The following ITGBL1 variants were observed in gnomAD, a reference collection of about 807,000 sequenced individuals.
ITGBL1 encodes integrin beta-like protein 1.
A neutral mutation model predicts 68.5 loss-of-function variants in ITGBL1; 51 were observed. The ratio of observed to expected loss-of-function variants is 0.74; its 90% CI spans 0.59 to 0.94. The LOEUF (loss-of-function observed/expected upper bound fraction) is 0.94. Among genes scored for constraint, ITGBL1 ranks in the 40% least tolerant of loss-of-function variants. ITGBL1 has a pLI of 0.00. For missense variants in ITGBL1, 649 were observed against 647.4 expected (o/e 1.00, Z -0.03); for synonymous variants, 209 against 227.3 (o/e 0.92, Z 0.72).
chr13:101,490,437 A>G (rs2048760242), intron 2 of ITGBL1, among the ~76,000 whole-genome samples: 6 of 152,256 alleles, frequency 3.9e-5, no homozygotes. Context: ...TACTATGCAC[A>G]GAGTCCTCTT....
intron 2 of ITGBL1, among the ~76,000 whole-genome samples, chr13:101,482,271 G>A (rs1042885206): frequency 1.3e-5 from 2 of 151,874 alleles, no homozygotes; most frequent in Non-Finnish European, 2.9e-5. Flanking sequence ...TGGGAAAGAT[G>A]AGTGAGAAAT....
intron 7 of ITGBL1, among the ~76,000 whole-genome samples, chr13:101,675,718 C>T (rs1276360463): frequency 6.6e-6 from 1 of 151,858 alleles, no homozygotes; most frequent in African/African-American, 2.4e-5. Flanking sequence ...CAATAATAGC[C>T]GTGTAAATGT....
Position 101,647,522 on chromosome 13 carries a change from G to A in ITGBL1, c.1016-45063G>A, listed in dbSNP as rs1343263660. Among the ~76,000 whole-genome samples the A allele has an allele frequency of 3.9e-5, 6 of 152,318 alleles. 1 individual carries two copies. The South Asian group carries it at 1.2e-3, about 32-fold the overall frequency. ...ATATATTTGAAGGAATGGGAATGCC[G>A]TTAAGGCAGCCAGTGCTTGAGAAAC... On this transcript the variant is annotated intron_variant, in intron 7 of 10. Transcript: ENST00000376180.
At chr13:101,709,334 C>T (rs1381824676) in intron 9 of ITGBL1, among the ~76,000 whole-genome samples, 3 of 124,746 alleles carry the variant, frequency 2.4e-5, no homozygotes, top group East Asian at 2.5e-4. Context: ...CACTGCAGTC[C>T]GCAGTCCGGC....
chr13:101,706,068 A>G (rs2034257379), intron 8 of ITGBL1, among the ~76,000 whole-genome samples: 1 of 152,226 alleles, frequency 6.6e-6, no homozygotes, highest in Admixed American at 6.5e-5. Context: ...GGCAATAAAC[A>G]GGTGTACATC....
chr13:101,588,942 G>C (rs532169879), intron 6 of ITGBL1, among the ~76,000 whole-genome samples: 1 of 152,170 alleles, frequency 6.6e-6, no homozygotes, highest in East Asian at 1.9e-4. Context: ...CCCAATACCT[G>C]CCTGAGAATC....
chr13:101,589,772 A>G (rs1177129586), intron 6 of ITGBL1, among the ~76,000 whole-genome samples: 1 of 152,194 alleles, frequency 6.6e-6, no homozygotes, highest in Non-Finnish European at 1.5e-5. Flanking sequence ...GGACACATAT[A>G]TATTCTTCCC....
Position 101,452,789 on chromosome 13 carries a change from A to G in ITGBL1, c.-45A>G. 1 of 1,532,272 alleles carries G rather than the reference A, an allele frequency of 6.5e-7. No individual in the cohort carries two copies. Among genetic ancestry groups the G allele is most frequent in the Non-Finnish European group, 9.0e-7 (1 of 1,106,344 alleles). The allele number at this position is 1,532,272 out of a possible 1,614,324, so 94.9% of individuals were successfully genotyped here. On this transcript the variant is annotated 5_prime_UTR_variant, in exon 1 of 11. Coordinates refer to ENST00000376180, the MANE Select transcript of ITGBL1 (RefSeq NM_004791.3). ...CCTGCCGCCTCCCTCGGTGAACCCC[A>G]CCTTGCAGAAGTGCAGCTCGCCCGG...
At chr13:101,633,123 G>C (rs2032043068) in intron 7 of ITGBL1, among the ~76,000 whole-genome samples, 1 of 152,182 alleles carries the variant, frequency 6.6e-6, no homozygotes, top group East Asian at 1.9e-4. Flanking sequence ...TTCACAATTT[G>C]TATTTCAAAG....
At chr13:101,542,071 T>C (rs1417020316) in intron 2 of ITGBL1, among the ~76,000 whole-genome samples, 3 of 152,202 alleles carry the variant, frequency 2.0e-5, no homozygotes, top group Non-Finnish European at 4.4e-5. Context: ...TCTGCTCTGA[T>C]CTTAGTTATT....
At chr13:101,717,381 A>C (rs1275971894), downstream of ITGBL1, 1 of 152,126 alleles carries the variant, frequency 6.6e-6, no homozygotes, top group African/African-American at 2.4e-5. Context: ...AAATTGATAG[A>C]TCTCTTCCGT....
rs117897797 is a variant in ITGBL1 at position 101,488,515 on chromosome 13, G to C, written c.316+34415G>C. 3.5e-3 allele frequency among the ~76,000 whole-genome samples: 540 copies of C among 152,298 alleles called. 5 individuals are homozygous for C. Among genetic ancestry groups the C allele is most frequent in the Admixed American group, 5.8e-3 (89 of 15,298 alleles). On this transcript the variant is annotated intron_variant, in intron 2 of 10. Transcript: ENST00000376180. ...TGGTCACAGGCTTTGAACCCGGAAAGACCTAAGCTGACTGTCAACTTTAAC... is the reference window on the plus strand; with the variant it reads ...TGGTCACAGGCTTTGAACCCGGAAACACCTAAGCTGACTGTCAACTTTAAC...
rs372930284 is a variant in ITGBL1 at position 101,453,992 on chromosome 13, G to A, written c.208G>A (p.Asp70Asn). 27 of 1,556,438 alleles carry A rather than the reference G, an allele frequency of 1.7e-5. No individual in the cohort carries two copies. Among genetic ancestry groups the A allele is most frequent in the Non-Finnish European group, 2.2e-5 (25 of 1,150,890 alleles). ...AALCHGRGRCDCGVCICHVTE... is the reference protein window; with the variant it reads ...AALCHGRGRCNCGVCICHVTE... The stretch of plus-strand genomic sequence containing the variant: ...GCTGTGCCACGGCCGGGGCCGCTGC[G>A]ACTGCGGCGTCTGCATCTGCCACGT... Residue 70 changes from aspartate to asparagine, a missense_variant, in exon 2 of 11, where the codon GAC (aspartate) becomes AAC (asparagine). Asp to Asn is a conservative substitution (Grantham distance 23, BLOSUM62 1). Coordinates refer to ENST00000376180, the MANE Select transcript of ITGBL1 (RefSeq NM_004791.3).
chr13:101,604,913 CAT>C lies in ITGBL1; in HGVS notation c.1015+6619_1015+6620del, dbSNP rs756803238. ...ACACACACACACACATATATATGTG[CAT>C]ATATGTGTGTATATATACGCATGTA... On this transcript the variant is annotated intron_variant, in intron 7 of 10. Coordinates refer to ENST00000376180, the MANE Select transcript of ITGBL1 (RefSeq NM_004791.3). Among the ~76,000 whole-genome samples the C allele has an allele frequency of 3.2e-4, 26 of 80,786 alleles. 1 individual carries two copies. Among genetic ancestry groups the C allele is most frequent in the Non-Finnish European group, 5.9e-4 (23 of 39,122 alleles). The allele number at this position is 80,786 out of a possible 152,430, so 53.0% of individuals were successfully genotyped here.
intron 2 of ITGBL1, among the ~76,000 whole-genome samples, chr13:101,479,847 AC>A (rs1384825111): frequency 8.6e-5 from 13 of 152,044 alleles, no homozygotes; most frequent in Admixed American, 5.2e-4. Context: ...AGAAAAAGGA[AC>A]CCTCTTACAG....
intron 2 of ITGBL1, among the ~76,000 whole-genome samples, chr13:101,472,581 C>A (rs1265475329): frequency 6.6e-6 from 1 of 152,136 alleles, no homozygotes; most frequent in African/African-American, 2.4e-5. Flanking sequence ...TATAACTCAA[C>A]TTACTTGAGA....
In ITGBL1 at chr13:101,573,024, G is replaced by A. The variant is rs186091162; in HGVS notation, c.464-2400G>A. Among the ~76,000 whole-genome samples the A allele has an allele frequency of 5.3e-5, 8 of 152,124 alleles. No homozygotes were observed. In the East Asian group the frequency reaches 1.4e-3, roughly 26 times the overall value. On this transcript the variant is annotated intron_variant, in intron 3 of 10. Transcript: ENST00000376180. ...ATGCTATACAAAATGTATTAATAGG[G>A]TATCTCTTCCTGGTCTATGATTTAC... is the stretch of plus-strand genomic sequence containing the variant.
rs750539321 is a variant in ITGBL1, at chr13:101,598,281, C to A, written c.997C>A (p.Leu333Met). ...CAGGAAGTGCCAGGGAAGCTCGGAT[C>A]TGCCTTGCTCTGGGAGGGGTAAGTG... ...SIRKCQGSSD[L>M]PCSGRGKCEC... Residue 333 changes from leucine to methionine, a missense_variant, in exon 7 of 11, where the codon CTG becomes ATG. Coordinates refer to ENST00000376180, the MANE Select transcript of ITGBL1 (RefSeq NM_004791.3). The A allele has an allele frequency of 6.2e-7, 1 of 1,612,126 alleles. No individual in the cohort carries two copies. The highest frequency in any genetic ancestry group is 8.5e-7 in the Non-Finnish European group (1 of 1,179,192).
intron 2 of ITGBL1, among the ~76,000 whole-genome samples, chr13:101,536,486 G>A (rs1218703431): frequency 6.6e-6 from 1 of 152,010 alleles, no homozygotes; most frequent in Admixed American, 6.6e-5. Flanking sequence ...AGCAATTGTT[G>A]AAGCTGAGTA....
Sources: gnomAD v4.1 joint callset for allele counts (sites outside exome capture counted in the v4.1 genomes callset) on GRCh38, gnomAD v4.1.1 for gene constraint, MANE v1.5 for transcripts, NCBI Gene and HGNC (gene_info 2026-07-23, HGNC 2026-07-21) for gene names.